Variants in DCDC1 observed in about 807,000 individuals in gnomAD.
The protein encoded by DCDC1 is doublecortin domain-containing protein 1.
A neutral mutation model predicts 178.3 loss-of-function variants in DCDC1; 200 were observed. That is an observed-to-expected ratio of 1.12 (90% confidence interval 1.00 to 1.26). The LOEUF (loss-of-function observed/expected upper bound fraction) is 1.26, where lower values mean the gene tolerates loss of function less well. Among genes scored for constraint, DCDC1 ranks in the 50% most tolerant of loss-of-function variants. The pLI is 0.00. For missense variants in DCDC1, 1,983 were observed against 1,749.2 expected (o/e 1.13, Z -2.38); for synonymous variants, 690 against 604.8 (o/e 1.14, Z -2.07).
At chr11:31,216,209 T>C (rs2136617519) in intron 9 of DCDC1, among the ~76,000 whole-genome samples, 1 of 152,178 alleles carries the variant, frequency 6.6e-6, no homozygotes, top group East Asian at 1.9e-4. Context: ...AACGTTATTT[T>C]CCCCTAGTGG....
intron 7 of DCDC1, among the ~76,000 whole-genome samples, chr11:31,270,114 C>G (rs762123630): frequency 7.9e-5 from 12 of 152,208 alleles, no homozygotes; most frequent in Non-Finnish European, 1.5e-4. Flanking sequence ...AAAAGATTCT[C>G]TACTGTAGGA....
At chr11:31,268,596 T>G (rs1035419224) in intron 7 of DCDC1, among the ~76,000 whole-genome samples, 1 of 152,246 alleles carries the variant, frequency 6.6e-6, no homozygotes, top group Non-Finnish European at 1.5e-5. Flanking sequence ...GGTGCATATG[T>G]ACCACATTTT....
chr11:31,222,412 G>C (rs1974377108), intron 9 of DCDC1, among the ~76,000 whole-genome samples: 1 of 152,006 alleles, frequency 6.6e-6, no homozygotes, highest in Non-Finnish European at 1.5e-5. Context: ...AACCTCACCA[G>C]AATTACTCTT....
chr11:31,076,040 G>A (rs1010195113), intron 18 of DCDC1, among the ~76,000 whole-genome samples: 4 of 152,074 alleles, frequency 2.6e-5, no homozygotes, highest in Non-Finnish European at 4.4e-5. Context: ...TGTATTTTTA[G>A]TAGAGACGGG....
chr11:30,948,185 T>C (rs1948174679), intron 21 of DCDC1, among the ~76,000 whole-genome samples: 2 of 152,046 alleles, frequency 1.3e-5, no homozygotes, highest in African/African-American at 2.4e-5. Context: ...TGTGCAAAAA[T>C]GACAAGCATT....
intron 9 of DCDC1, among the ~76,000 whole-genome samples, chr11:31,214,386 G>A (rs1222321632): frequency 6.6e-6 from 1 of 152,050 alleles, no homozygotes; most frequent in Non-Finnish European, 1.5e-5. Context: ...TGTAAAAGTA[G>A]ATTTAAACAT....
intron 20 of DCDC1, among the ~76,000 whole-genome samples, chr11:30,995,830 TAGAAA>T (rs1951233045): frequency 6.6e-6 from 1 of 152,024 alleles, no homozygotes; most frequent in East Asian, 1.9e-4. Flanking sequence ...TTAAAACATC[TAGAAA>T]ATAATAGGAG....
At chr11:31,032,000 A>C in intron 20 of DCDC1, among the ~76,000 whole-genome samples, 1 of 152,202 alleles carries the variant, frequency 6.6e-6, no homozygotes, top group East Asian at 1.9e-4. Context: ...AAGTGACACA[A>C]TGATACCTCT....
chr11:31,020,973 AG>A (rs2135200426), intron 20 of DCDC1, among the ~76,000 whole-genome samples: 1 of 152,358 alleles, frequency 6.6e-6, no homozygotes, highest in Non-Finnish European at 1.5e-5. Flanking sequence ...GTTTCCAAAA[AG>A]GGAAACAAAA....
At chr11:31,055,579 T>C (rs530712275) in intron 20 of DCDC1, among the ~76,000 whole-genome samples, 5 of 152,298 alleles carry the variant, frequency 3.3e-5, no homozygotes, top group African/African-American at 7.2e-5. Flanking sequence ...CAATTTGCAA[T>C]TGCAGAATTG....
chr11:31,246,985 A>G (rs1943610956), intron 8 of DCDC1, among the ~76,000 whole-genome samples: 1 of 152,084 alleles, frequency 6.6e-6, no homozygotes, highest in African/African-American at 2.4e-5. Flanking sequence ...TTAGTTTTTC[A>G]GTGATCCTAT....
chr11:30,925,420 G>C lies in DCDC1; in HGVS notation c.2898-12C>G, dbSNP rs377450451. Reference sequence around the variant, plus strand: ...AAATCTCAGTGCACCTGTAATAAAAGACACAAAAATTGACCTTGCATACAG... The same window carrying C: ...AAATCTCAGTGCACCTGTAATAAAACACACAAAAATTGACCTTGCATACAG... On this transcript the variant is annotated splice_polypyrimidine_tract_variant and intron_variant, in intron 22 of 38. Transcript: ENST00000684477. 2.5e-6 allele frequency: 4 copies of C among 1,611,572 alleles called. No homozygotes were observed. In the Admixed American group the frequency reaches 5.0e-5, roughly 20 times the overall value.
chr11:31,024,130 T>A (rs1329289443), intron 20 of DCDC1, among the ~76,000 whole-genome samples: 1 of 152,058 alleles, frequency 6.6e-6, no homozygotes, highest in Admixed American at 6.6e-5. Flanking sequence ...CCTAAATATC[T>A]ATCTATAGGA....
At chr11:30,874,230 C>T (rs1213060839) in intron 38 of DCDC1, among the ~76,000 whole-genome samples, 2 of 152,150 alleles carry the variant, frequency 1.3e-5, no homozygotes, top group Non-Finnish European at 2.9e-5. Context: ...GTGGTCACGA[C>T]GTGCTTCTTC....
Position 30,881,196 on chromosome 11 carries a change from A to G in DCDC1, c.5195T>C (p.Ile1732Thr). The G allele has an allele frequency of 6.2e-7, 1 of 1,613,540 alleles. No individual in the cohort carries two copies. The highest frequency in any genetic ancestry group is 8.5e-7 in the Non-Finnish European group (1 of 1,179,600). ...SWDDIERDMV[I>T]CVSMGHGFKT... ...GAAACCATGTCCCATAGACACACAG[A>G]TGACCATATCTCGCTCTATGTCGTC... is the stretch of plus-strand genomic sequence containing the variant. Residue 1732 changes from isoleucine to threonine, a missense_variant, in exon 37 of 39, where the codon ATC (isoleucine) becomes ACC (threonine). Transcript: ENST00000684477.
At position 31,336,212 on chromosome 11, in the gene DCDC1, G is replaced by A. The variant is rs150543813; in HGVS notation, c.-124-648C>T. On this transcript the variant is annotated intron_variant, in intron 1 of 38. Coordinates refer to ENST00000684477, the MANE Select transcript of DCDC1 (RefSeq NM_001387274.1). ...TGGAGGGAATTGCAAGTTTAAATAGGGTTGTTAGTGTAGGCCACATAGAGC... is the reference window on the plus strand; with the variant it reads ...TGGAGGGAATTGCAAGTTTAAATAGAGTTGTTAGTGTAGGCCACATAGAGC... Among the ~76,000 whole-genome samples, 415 of 152,296 alleles carry A rather than the reference G, an allele frequency of 2.7e-3. 4 individuals are homozygous for A. The highest frequency in any genetic ancestry group is 9.5e-3 in the African/African-American group (393 of 41,554).
At position 31,196,172 on chromosome 11, in the gene DCDC1, T is replaced by C. The variant is rs148770888; in HGVS notation, c.1221+45278A>G. 4.0e-3 allele frequency among the ~76,000 whole-genome samples: 606 copies of C among 152,072 alleles called. 5 individuals carry two copies. The highest frequency in any genetic ancestry group is 7.0e-3 in the Non-Finnish European group (477 of 67,958). On this transcript the variant is annotated intron_variant, in intron 9 of 38. Transcript: ENST00000684477. ...CATCTTATTCCATTCACCCTCACAG[T>C]TGTTGTAGTTTGCTACAACAACTGA...
chr11:31,024,902 G>A (rs180857166), intron 20 of DCDC1, among the ~76,000 whole-genome samples: 82 of 151,766 alleles, frequency 5.4e-4, no homozygotes, highest in African/African-American at 1.8e-3. Context: ...TTTCAAAATC[G>A]TTATTACCCT....
At chr11:31,354,013 C>T (rs2901953) in intron 1 of DCDC1, among the ~76,000 whole-genome samples, 43,907 of 152,094 alleles carry the variant, frequency 0.29, 7,123 homozygotes, top group Non-Finnish European at 0.35. Context: ...AAAGGCCAGG[C>T]GCGGTGGCTC....
Sources: gnomAD v4.1 joint callset for allele counts (sites outside exome capture counted in the v4.1 genomes callset) on GRCh38, gnomAD v4.1.1 for gene constraint, MANE v1.5 for transcripts, NCBI Gene and HGNC (gene_info 2026-07-23, HGNC 2026-07-21) for gene names.